The following PRR35 variants were observed in gnomAD, a reference collection of about 807,000 sequenced individuals.
PRR35 encodes proline rich 35, also known as proline-rich protein 35.
Under a neutral mutation model 18.6 loss-of-function variants are expected in PRR35, and 14 were observed. The observed-to-expected ratio is 0.75, with a 90% CI of 0.50 to 1.18. The LOEUF is 1.18. Ranked by LOEUF, PRR35 falls within the 50% of genes most tolerant of loss-of-function variation. PRR35 has a pLI of 0.00. For missense variants in PRR35, 832 were observed against 792.2 expected (o/e 1.05, Z -0.60); for synonymous variants, 425 against 378.2 (o/e 1.12, Z -1.43).
In PRR35 at chr16:563,311, G is replaced by A. The variant is rs752002210; in HGVS notation, c.17G>A (p.Gly6Asp). ...CAGGCTGCCATGTCGCGGGAGGCGG[G>A]CTCATGCCGCGTGGGCACAGGGGCG... Reference protein sequence around the residue: MSREAGSCRVGTGARA... With the variant: MSREADSCRVGTGARA... The change falls in exon 2 of 3, where the codon GGC becomes GAC. Residue 6 changes from glycine (G) to aspartate (D), a missense_variant. By Grantham distance (94) the Gly-to-Asp change is moderately conservative. Transcript: ENST00000409413. 1.7e-5 allele frequency: 27 copies of A among 1,608,464 alleles called. No homozygotes were observed. Among genetic ancestry groups the A allele is most frequent in the Non-Finnish European group, 2.2e-5 (26 of 1,178,442 alleles).
At position 560,587 on chromosome 16, in the gene PRR35, G is replaced by A. The variant is rs2035415814; in HGVS notation, c.-114G>A. Reference sequence around the variant, plus strand: ...GGGTCCGAGTCGCGGCCGGCGCGGGGCGGGGAGGGGCGGGAAGTTTGCGCC... The same window carrying A: ...GGGTCCGAGTCGCGGCCGGCGCGGGACGGGGAGGGGCGGGAAGTTTGCGCC... On this transcript the variant is annotated 5_prime_UTR_variant, in exon 1 of 3. Transcript: ENST00000409413. The A allele has an allele frequency of 1.4e-5, 14 of 983,410 alleles. No homozygotes were observed. The South Asian group carries it at 4.7e-4, about 33-fold the overall frequency. 60.9% of individuals were successfully genotyped at this position (983,410 alleles called of 1,614,324 possible). A position where few individuals can be genotyped will look rare whatever the true frequency, so the allele number is the denominator to read the frequency against.
rs2035509489 is a variant in PRR35, at chr16:564,980, A to G, written c.1389A>G (p.Ala463=). The G allele has an allele frequency of 6.2e-7, 1 of 1,605,364 alleles. No homozygotes were observed. The highest frequency in any genetic ancestry group is 2.2e-5 in the East Asian group (1 of 44,584). ...AGCAGGCCGTGAGGCCGCCAGACGC[A>G]CCCCTCGACCTCTCTGTGAAACGTG... ...ALEQAVRPPD[A]PLDLSVKRAP... is the part of the protein sequence containing the mutation. The change falls in exon 3 of 3, where the codon GCA becomes GCG. Residue 463 remains alanine (A), a synonymous_variant. Transcript: ENST00000409413.
intron 1 of PRR35, among the ~76,000 whole-genome samples, chr16:561,492 C>T (rs974841824): frequency 2.0e-5 from 3 of 152,192 alleles, no homozygotes; most frequent in Admixed American, 1.3e-4. Context: ...CTGCACCCAC[C>T]ACCCAGTCCA....
Position 564,826 on chromosome 16 carries a change from T to C in PRR35, c.1235T>C (p.Leu412Pro). ...GTGGGCGAGGACCTGACCCGAGCCCTCGGTGACTACGCCAGGGTGGAGCAG... is the reference window on the plus strand; with the variant it reads ...GTGGGCGAGGACCTGACCCGAGCCCCCGGTGACTACGCCAGGGTGGAGCAG... ...EHVGEDLTRA[L>P]GDYARVEQRL... The change falls in exon 3 of 3, where the codon CTC becomes CCC. Residue 412 changes from leucine to proline, a missense_variant. Leu to Pro is a moderately conservative substitution (Grantham distance 98). Transcript: ENST00000409413. 6.4e-7 allele frequency: 1 copy of C among 1,559,250 alleles called. No individual in the cohort carries two copies. Among genetic ancestry groups the C allele is most frequent in the Non-Finnish European group, 8.6e-7 (1 of 1,156,282 alleles).
At chr16:561,531 C>G (rs2035435432) in intron 1 of PRR35, among the ~76,000 whole-genome samples, 1 of 152,210 alleles carries the variant, frequency 6.6e-6, no homozygotes, top group Non-Finnish European at 1.5e-5. Context: ...TCGGGGAGCC[C>G]CAGGACCTCT....
chr16:561,123 C>T (rs2035427228), intron 1 of PRR35, among the ~76,000 whole-genome samples: 1 of 152,040 alleles, frequency 6.6e-6, no homozygotes, highest in African/African-American at 2.4e-5. Flanking sequence ...GCCCCGGGAG[C>T]GATTGCCGGG....
Position 563,962 on chromosome 16 carries a change from T to C in PRR35, c.668T>C (p.Leu223Ser), listed in dbSNP as rs1187573035. 6.3e-7 allele frequency: 1 copy of C among 1,599,904 alleles called. No homozygotes were observed. The highest frequency in any genetic ancestry group is 8.5e-7 in the Non-Finnish European group (1 of 1,174,610). The change falls in exon 2 of 3, where the codon TTG becomes TCG. Residue 223 changes from leucine (L) to serine (S), a missense_variant. Leu to Ser is a moderately radical substitution (Grantham distance 145). Transcript: ENST00000409413. ...YPLSPGLFSY[L>S]GPSLAAAAHV... ...CTCAGCCCCGGCCTCTTCTCCTACT[T>C]GGGGCCCTCACTGGCCGCTGCAGCC...
In PRR35 at chr16:563,857, C is replaced by A; in HGVS notation, c.563C>A (p.Pro188His). The A allele has an allele frequency of 1.3e-6, 2 of 1,542,280 alleles. No individual in the cohort carries two copies. Among genetic ancestry groups the A allele is most frequent in the Non-Finnish European group, 1.8e-6 (2 of 1,141,570 alleles). The change falls in exon 2 of 3, where the codon CCC (proline) becomes CAC (histidine). Residue 188 changes from proline to histidine, a missense_variant. Transcript: ENST00000409413. ...MASAGPEGSV[P>H]CYPPPAPGEF... ...TCAGCAGGCCCTGAGGGCAGCGTCCCCTGCTATCCCCCGCCTGCCCCAGGG... is the reference window on the plus strand; with the variant it reads ...TCAGCAGGCCCTGAGGGCAGCGTCCACTGCTATCCCCCGCCTGCCCCAGGG...
At position 564,679 on chromosome 16, in the gene PRR35, C is replaced by T; in HGVS notation, c.1088C>T (p.Pro363Leu). The T allele has an allele frequency of 6.6e-7, 1 of 1,525,534 alleles. No homozygotes were observed. Among genetic ancestry groups the T allele is most frequent in the Non-Finnish European group, 8.8e-7 (1 of 1,141,544 alleles). 94.5% of individuals were successfully genotyped at this position (1,525,534 alleles called of 1,614,324 possible). A position where few individuals can be genotyped will look rare whatever the true frequency, so the allele number is the denominator to read the frequency against. ...GACCAGCTTCCACCCCACAGCCTGC[C>T]CACCGGCTCCTCTGTGATGCTGTGG... Reference protein sequence around the residue: ...LTRFCSRSSLPTGSSVMLWPE... With the variant: ...LTRFCSRSSLLTGSSVMLWPE... Residue 363 changes from proline (P) to leucine (L), a missense_variant, in exon 3 of 3, where the codon CCC becomes CTC. Coordinates refer to ENST00000409413, the MANE Select transcript of PRR35 (RefSeq NM_145270.3).
rs758673124 is a variant in PRR35, at chr16:563,785, C to T, written c.491C>T (p.Pro164Leu). 51 of 1,499,084 alleles carry T rather than the reference C, an allele frequency of 3.4e-5. No individual in the cohort carries two copies. The highest frequency in any genetic ancestry group is 1.8e-4 in the Middle Eastern group (1 of 5,594). The allele number at this position is 1,499,084 out of a possible 1,614,324, so 92.9% of individuals were successfully genotyped here. Reference sequence around the variant, plus strand: ...GGGCTCCTGCCTGAGTCGTGGAAGCCGGGGATGGGAGGGGACCCAAGGGGC... The same window carrying T: ...GGGCTCCTGCCTGAGTCGTGGAAGCTGGGGATGGGAGGGGACCCAAGGGGC... ...PSGLLPESWK[P>L]GMGGDPRGVG... is the part of the protein sequence containing the mutation. Residue 164 changes from proline to leucine, a missense_variant, in exon 2 of 3, where the codon CCG becomes CTG. Pro to Leu is a moderately conservative substitution (Grantham distance 98, BLOSUM62 -3). Transcript: ENST00000409413.
At position 563,500 on chromosome 16, in the gene PRR35, T is replaced by C; in HGVS notation, c.206T>C (p.Leu69Pro). The change falls in exon 2 of 3, where the codon CTA becomes CCA. Residue 69 changes from leucine (L) to proline (P), a missense_variant. Leu to Pro is a moderately conservative substitution (Grantham distance 98). Around this residue, in one of 3 missense-constraint regions of PRR35, gnomAD observed 768 missense variants for 704.1 expected, o/e 1.09. Transcript: ENST00000409413. The part of the protein sequence containing the change: ...SLCKDSLSLL[L>P]DSPDWACRRG... ...TGCAAGGACTCCCTGTCCCTGCTGC[T>C]AGACTCCCCAGACTGGGCGTGCCGC... 6.2e-7 allele frequency: 1 copy of C among 1,612,330 alleles called. No individual in the cohort carries two copies. Among genetic ancestry groups the C allele is most frequent in the Non-Finnish European group, 8.5e-7 (1 of 1,179,602 alleles).
At chr16:564,427 CTGGGCATGGCGGT>C in intron 2 of PRR35, 51 bp downstream of exon 2, 2 of 1,576,212 alleles carry the variant, frequency 1.3e-6, no homozygotes, top group South Asian at 2.3e-5. Flanking sequence ...GGCTGGGCGG[CTGGGCATGGCGGT>C]TGGGCGGCTG....
intron 1 of PRR35, among the ~76,000 whole-genome samples, chr16:561,923 G>A (rs953133675): frequency 2.6e-5 from 4 of 152,348 alleles, no homozygotes; most frequent in East Asian, 3.9e-4. Flanking sequence ...ACAAGCAGCC[G>A]TGTTCACCGT....
Position 564,127 on chromosome 16 carries a change from CA to C in PRR35, c.834del (p.Gly279AlafsTer24). ...LLLEHTLGLP[A>X]GKAALAKAPV... The stretch of plus-strand genomic sequence containing the variant: ...CTGGAGCACACTCTGGGGCTGCCAG[CA>C]GGCAAAGCTGCCCTTGCCAAGGCCC... On this transcript the variant is annotated frameshift_variant, in exon 2 of 3. Coordinates refer to ENST00000409413, the MANE Select transcript of PRR35 (RefSeq NM_145270.3). LOFTEE classifies it high-confidence loss of function. 6.3e-7 allele frequency: 1 copy of C among 1,575,920 alleles called. No homozygotes were observed. The highest frequency in any genetic ancestry group is 8.6e-7 in the Non-Finnish European group (1 of 1,168,972).
intron 1 of PRR35, 37 bp downstream of exon 1, chr16:560,698 G>A (rs1327473621): frequency 2.0e-6 from 2 of 981,710 alleles, no homozygotes; most frequent in South Asian, 9.1e-5. Flanking sequence ...GGCCAGTTGG[G>A]CGTCGCGGGG....
chr16:562,523 G>GCAAACACGTGTGCA (rs1567168644), intron 1 of PRR35, among the ~76,000 whole-genome samples: 1 of 122,058 alleles, frequency 8.2e-6, no homozygotes, highest in Non-Finnish European at 1.6e-5. Context: ...ACACACAGGC[G>GCAAACACGTGTGCA]CACACACGTG....
At position 563,146 on chromosome 16, in the gene PRR35, G is replaced by T. The variant is rs1039578967; in HGVS notation, c.-39-110G>T. ...CACGTTGCAGGGCAGAGGCGGCGGG[G>T]TGGGGGGAGCACCCAGGCTCCAGTC... On this transcript the variant is annotated intron_variant, in intron 1 of 2. Coordinates refer to ENST00000409413, the MANE Select transcript of PRR35 (RefSeq NM_145270.3). 6 of 1,116,674 alleles carry T rather than the reference G, an allele frequency of 5.4e-6. No homozygotes were observed. The African/African-American group carries it at 9.6e-5, about 18-fold the overall frequency. 69.2% of individuals were successfully genotyped at this position (1,116,674 alleles called of 1,614,324 possible). A position where few individuals can be genotyped will look rare whatever the true frequency, so the allele number is the denominator to read the frequency against.
At position 563,322 on chromosome 16, in the gene PRR35, G is replaced by T. The variant is rs149655501; in HGVS notation, c.28G>T (p.Val10Leu). ...GTCGCGGGAGGCGGGCTCATGCCGC[G>T]TGGGCACAGGGGCGAGGGCGCGGTC... MSREAGSCRVGTGARARSRK... is the reference protein window; with the variant it reads MSREAGSCRLGTGARARSRK... Residue 10 changes from valine (V) to leucine (L), a missense_variant, in exon 2 of 3, where the codon GTG (valine) becomes TTG (leucine). By Grantham distance (32) the Val-to-Leu change is conservative. Around this residue, in one of 3 missense-constraint regions of PRR35, gnomAD observed 56 missense variants for 64.8 expected, o/e 0.86. Transcript: ENST00000409413. The T allele has an allele frequency of 2.5e-6, 4 of 1,610,560 alleles. No homozygotes were observed. Among genetic ancestry groups the T allele is most frequent in the Admixed American group, 3.3e-5 (2 of 59,930 alleles).
In PRR35 at chr16:563,519, G is replaced by T. The variant is rs766062816; in HGVS notation, c.225G>T (p.Ala75=). 1.2e-6 allele frequency: 2 copies of T among 1,611,754 alleles called. No individual in the cohort carries two copies. Among genetic ancestry groups the T allele is most frequent in the Admixed American group, 1.7e-5 (1 of 59,952 alleles). The change falls in exon 2 of 3, where the codon GCG becomes GCT. Residue 75 remains alanine (A), a synonymous_variant. Coordinates refer to ENST00000409413, the MANE Select transcript of PRR35 (RefSeq NM_145270.3). ...TGCTGCTAGACTCCCCAGACTGGGC[G>T]TGCCGCCGTGGCTCCACCACGCCTA... ...LSLLLDSPDW[A]CRRGSTTPRP... is the part of the protein sequence containing the mutation.
Sources: gnomAD v4.1 joint callset for allele counts (sites outside exome capture counted in the v4.1 genomes callset) on GRCh38, gnomAD v4.1.1 for gene constraint, gnomAD v4.1.1 regional missense constraint, MANE v1.5 for transcripts, NCBI Gene and HGNC (gene_info 2026-07-23, HGNC 2026-07-21) for gene names.